Variants in CERS4 observed in about 807,000 individuals in gnomAD.
The protein encoded by CERS4 is ceramide synthase 4.
In CERS4, 65 loss-of-function variants were observed where a neutral mutation model predicts 51.8. That is an observed-to-expected ratio of 1.26 (90% CI 1.03 to 1.54). CERS4 has a LOEUF of 1.54. Ranked by LOEUF, CERS4 falls within the 40% of genes most tolerant of loss-of-function variation. The probability of loss-of-function intolerance (pLI) is 0.00; values close to 1 mark genes in which losing one functional copy is unlikely to be tolerated. For missense variants in CERS4, 563 were observed against 500.4 expected, an observed-to-expected ratio of 1.13 and a Z score of -1.19; for synonymous variants, 228 against 208.4, an observed-to-expected ratio of 1.09 and a Z score of -0.81.
In CERS4 at chr19:8,254,599, G is replaced by A. The variant is rs1969272202; in HGVS notation, c.274G>A (p.Gly92Arg). The A allele has an allele frequency of 6.2e-7, 1 of 1,610,016 alleles. No homozygotes were observed. The highest frequency in any genetic ancestry group is 8.5e-7 in the Non-Finnish European group (1 of 1,178,654). ...ATLEKHFLTE[G>R]HRPKEPQLSL... ...GCTGGAGAAACACTTCCTCACGGAA[G>A]GGCACAGGCCCAAGGAGGTGAGAGC... Residue 92 changes from glycine to arginine, a missense_variant, in exon 4 of 12, where the codon GGG becomes AGG. Gly to Arg is a moderately radical substitution (Grantham distance 125). Coordinates refer to ENST00000251363, the MANE Select transcript of CERS4 (RefSeq NM_024552.3).
At chr19:8,224,105 A>T (rs1252030149) in intron 2 of CERS4, among the ~76,000 whole-genome samples, 8 of 66,050 alleles carry the variant, frequency 1.2e-4, no homozygotes, top group African/African-American at 5.3e-4. Context: ...CTCCGTCTTT[A>T]AAAAAAAAAA....
At chr19:8,242,511 G>A (rs1968580375) in intron 2 of CERS4, among the ~76,000 whole-genome samples, 1 of 152,190 alleles carries the variant, frequency 6.6e-6, no homozygotes, top group Non-Finnish European at 1.5e-5. Flanking sequence ...GCCAGCTCCT[G>A]ACATCACAGT....
chr19:8,254,358 C>A, intron 3 of CERS4, 141 bp from the exon 4 acceptor site: 2 of 491,222 alleles, frequency 4.1e-6, no homozygotes, highest in Admixed American at 6.2e-5. Flanking sequence ...ACACACCCTG[C>A]CATGTGCCAG....
At chr19:8,219,208 C>T (rs114875917) in intron 2 of CERS4, among the ~76,000 whole-genome samples, 5 of 151,622 alleles carry the variant, frequency 3.3e-5, no homozygotes, top group African/African-American at 9.7e-5. Flanking sequence ...CTTCATCTCC[C>T]GCAAAAAAAG....
intron 10 of CERS4, 81 bp downstream of exon 10, chr19:8,258,066 G>GC: frequency 9.2e-7 from 1 of 1,086,238 alleles, no homozygotes. Context: ...TTGGTACCCT[G>GC]CCCCAAGGAG....
rs552681673 is a variant in CERS4, at chr19:8,212,591, C to T, written c.-2+1729C>T. Among the ~76,000 whole-genome samples, 12 of 152,090 alleles carry T rather than the reference C, an allele frequency of 7.9e-5. No individual in the cohort carries two copies. In the South Asian group the frequency reaches 2.5e-3, roughly 32 times the overall value. On this transcript the variant is annotated intron_variant, in intron 2 of 11. Transcript: ENST00000251363. ...TCATAGGAGGAAAGGGTCTTGAAAC[C>T]CCTGTTTGATAATTCAGTAGCAGGC... is the stretch of plus-strand genomic sequence containing the variant.
Position 8,256,327 on chromosome 19 carries a change from C to T in CERS4, c.519+41C>T, listed in dbSNP as rs368613104. On this transcript the variant is annotated intron_variant, in intron 7 of 11. Coordinates refer to ENST00000251363, the MANE Select transcript of CERS4 (RefSeq NM_024552.3). The stretch of plus-strand genomic sequence containing the variant: ...TGTGTGAATGCTTGGAGGGTGAGGG[C>T]GATGATCACAGTTGCTGCAGCCATG... 182 of 1,605,356 alleles carry T rather than the reference C, an allele frequency of 1.1e-4. No homozygotes were observed. The highest frequency in any genetic ancestry group is 3.3e-4 in the Middle Eastern group (2 of 6,058).
rs941571890 is a variant in CERS4 at position 8,217,679 on chromosome 19, G to A, written c.-2+6817G>A. Among the ~76,000 whole-genome samples the A allele has an allele frequency of 1.2e-3, 188 of 152,008 alleles. 2 individuals carry two copies. Among genetic ancestry groups the A allele is most frequent in the Admixed American group, 2.4e-3 (36 of 15,218 alleles). On this transcript the variant is annotated intron_variant, in intron 2 of 11. Coordinates refer to ENST00000251363, the MANE Select transcript of CERS4 (RefSeq NM_024552.3). The stretch of plus-strand genomic sequence containing the variant: ...AGCCTCCCCAGTAGCTGGGACTACA[G>A]GTGCCCACCACCACGCCTGGCTATT...
chr19:8,254,648 T>A (rs1318699445), intron 4 of CERS4, 32 bp downstream of exon 4: 1 of 1,558,184 alleles, frequency 6.4e-7, no homozygotes, highest in East Asian at 2.3e-5. Context: ...CGACCCGCAC[T>A]ACTGCCCTGG....
At chr19:8,232,217 T>C (rs1968042550) in intron 2 of CERS4, among the ~76,000 whole-genome samples, 1 of 152,084 alleles carries the variant, frequency 6.6e-6, no homozygotes, top group South Asian at 2.1e-4. Context: ...CTTTCTTCCA[T>C]TTATAGATTC....
At chr19:8,213,392 G>T (rs1967157871) in intron 2 of CERS4, among the ~76,000 whole-genome samples, 1 of 151,988 alleles carries the variant, frequency 6.6e-6, no homozygotes, top group East Asian at 1.9e-4. Context: ...ACTCACTGCA[G>T]CCTCGACCTC....
chr19:8,224,526 A>G (rs1173828602), intron 2 of CERS4, among the ~76,000 whole-genome samples: 2 of 152,124 alleles, frequency 1.3e-5, no homozygotes, highest in East Asian at 3.9e-4. Flanking sequence ...TCCTAGAGGA[A>G]GTGTCTGTTG....
chr19:8,257,887 G>A lies in CERS4; in HGVS notation c.750G>A (p.Lys250=), dbSNP rs369435897. The change falls in exon 10 of 12, where the codon AAG becomes AAA. Residue 250 remains lysine, a synonymous_variant. Coordinates refer to ENST00000251363, the MANE Select transcript of CERS4 (RefSeq NM_024552.3). ...DSSDYLLEAC[K]MVNYMQYQQV... ...CCTGCTGCCCTTTCCAGGCCTGTAA[G>A]ATGGTCAACTACATGCAGTATCAGC... 2 of 1,613,672 alleles carry A rather than the reference G, an allele frequency of 1.2e-6. No individual in the cohort carries two copies. The highest frequency in any genetic ancestry group is 1.7e-6 in the Non-Finnish European group (2 of 1,179,832).
chr19:8,255,614 T>A lies in CERS4; in HGVS notation c.299T>A (p.Leu100Gln). The A allele has an allele frequency of 6.2e-7, 1 of 1,611,264 alleles. No individual in the cohort carries two copies. The change falls in exon 5 of 12, where the codon CTG becomes CAG. Residue 100 changes from leucine (L) to glutamine (Q), a missense_variant. Leu to Gln is a moderately radical substitution (Grantham distance 113). Coordinates refer to ENST00000251363, the MANE Select transcript of CERS4 (RefSeq NM_024552.3). The part of the protein sequence containing the change: ...TEGHRPKEPQ[L>Q]SLLAAQCGLT... ...TCATCACCCCCTCCCCAGCCCCAGC[T>A]GTCTCTCCTGGCCGCCCAGTGTGGC...
chr19:8,258,747 C>T (rs1224357484), intron 10 of CERS4, among the ~76,000 whole-genome samples: 1 of 152,084 alleles, frequency 6.6e-6, no homozygotes, highest in Non-Finnish European at 1.5e-5. Flanking sequence ...GAGGCTGAGG[C>T]AGGAGGATCA....
At chr19:8,224,600 A>G (rs140326165) in intron 2 of CERS4, among the ~76,000 whole-genome samples, 1 of 152,226 alleles carries the variant, frequency 6.6e-6, no homozygotes, top group African/African-American at 2.4e-5. Flanking sequence ...CTGGTAGGGA[A>G]TGGCATGTGC....
At chr19:8,249,150 G>GGATGGGTGGATGGAT (rs996926714) in intron 2 of CERS4, among the ~76,000 whole-genome samples, 2 of 147,082 alleles carry the variant, frequency 1.4e-5, no homozygotes, top group Non-Finnish European at 3.0e-5. Flanking sequence ...ACAGATGTTT[G>GGATGGGTGGATGGAT]GATGGGTGGA....
chr19:8,221,890 T>A (rs1163566614), intron 2 of CERS4, among the ~76,000 whole-genome samples: 2 of 119,078 alleles, frequency 1.7e-5, no homozygotes, highest in African/African-American at 6.4e-5. Flanking sequence ...TTTTTTTTTT[T>A]TTTTTTTTTG....
intron 10 of CERS4, 108 bp from the exon 11 acceptor site, chr19:8,261,580 C>T: frequency 7.7e-7 from 1 of 1,293,482 alleles, no homozygotes; most frequent in South Asian, 1.3e-5. Flanking sequence ...CACTAGGGAG[C>T]CATAGGTGGT....
Sources: allele counts gnomAD v4.1 joint callset (sites outside exome capture counted in the v4.1 genomes callset), GRCh38; gene constraint gnomAD v4.1.1; transcripts MANE v1.5; gene names NCBI Gene and HGNC (gene_info 2026-07-23, HGNC 2026-07-21).